The following ENPP2 variants were observed in gnomAD, a reference collection of about 807,000 sequenced individuals.
The protein encoded by ENPP2 is autotaxin.
ENPP2 carries 51 observed loss-of-function variants against 120.2 expected under a neutral mutation model. The observed-to-expected ratio is 0.42, with a 90% CI of 0.34 to 0.54. The LOEUF is 0.54. ENPP2 is among the 20% of genes least tolerant of loss of function. The pLI is 0.04. For synonymous variants in ENPP2, 365 were observed against 366.4 expected, an observed-to-expected ratio of 1.00 and a Z score of 0.04; for missense variants, 920 against 1,066.5, an observed-to-expected ratio of 0.86 and a Z score of 1.91.
intron 23 of ENPP2, among the ~76,000 whole-genome samples, 192 bp downstream of exon 23, chr8:119,564,631 T>C (rs1228211304): frequency 6.6e-6 from 1 of 151,622 alleles, no homozygotes; most frequent in Non-Finnish European, 1.5e-5. Context: ...TGAGCCGAGA[T>C]CACATCACTG....
intron 2 of ENPP2, among the ~76,000 whole-genome samples, chr8:119,636,187 T>A (rs1563761431): frequency 6.6e-6 from 1 of 152,214 alleles, no homozygotes; most frequent in Non-Finnish European, 1.5e-5. Flanking sequence ...TATTTTCTGA[T>A]GGGAAGGCTT....
upstream of ENPP2, among the ~76,000 whole-genome samples, chr8:119,642,052 T>C (rs1209351141): frequency 6.6e-6 from 1 of 152,228 alleles, no homozygotes; most frequent in Non-Finnish European, 1.5e-5. Flanking sequence ...AGAGCTTTAA[T>C]TTTAGGCCAT....
At chr8:119,590,971 T>C (rs1813458145) in intron 12 of ENPP2, among the ~76,000 whole-genome samples, 1 of 141,450 alleles carries the variant, frequency 7.1e-6, no homozygotes, top group Non-Finnish European at 1.5e-5. Flanking sequence ...ATTGACAGAG[T>C]CTTTATGAAA....
At chr8:119,569,682 C>G (rs1814791135) in intron 20 of ENPP2, among the ~76,000 whole-genome samples, 2 of 150,790 alleles carry the variant, frequency 1.3e-5, no homozygotes, top group Admixed American at 6.6e-5. Context: ...TTGAAGATAA[C>G]TTATAAAATA....
At chr8:119,657,565 T>C (rs1817802831) in intron 1 of ENPP2, among the ~76,000 whole-genome samples, 1 of 152,072 alleles carries the variant, frequency 6.6e-6, no homozygotes, top group African/African-American at 2.4e-5. Context: ...CAGCATGTAA[T>C]TAGCGATGCG....
chr8:119,672,494 C>G (rs1049733598), intron 1 of ENPP2, among the ~76,000 whole-genome samples: 3 of 152,142 alleles, frequency 2.0e-5, no homozygotes, highest in Non-Finnish European at 2.9e-5. Flanking sequence ...ACCTGAAGAC[C>G]GGCTGTGCCC....
chr8:119,644,625 T>TATACAC (rs1327738777), intron 1 of ENPP2, among the ~76,000 whole-genome samples: 239 of 74,262 alleles, frequency 3.2e-3, no homozygotes, highest in Non-Finnish European at 4.4e-3. Context: ...TATATATATA[T>TATACAC]ACACACACAC....
intron 24 of ENPP2, among the ~76,000 whole-genome samples, chr8:119,560,159 A>T (rs1389495821): frequency 6.6e-6 from 1 of 152,218 alleles, no homozygotes; most frequent in African/African-American, 2.4e-5. Flanking sequence ...GTACACCTTA[A>T]ATGGCCTACT....
intron 1 of ENPP2, among the ~76,000 whole-genome samples, chr8:119,671,369 G>A (rs188137122): frequency 1.4e-3 from 215 of 152,278 alleles, no homozygotes; most frequent in African/African-American, 5.1e-3. Flanking sequence ...GGGCAGGACT[G>A]GCCCCAGATG....
intron 1 of ENPP2, among the ~76,000 whole-genome samples, chr8:119,660,413 G>A (rs927727337): frequency 3.9e-5 from 6 of 152,198 alleles, no homozygotes; most frequent in African/African-American, 1.4e-4. Context: ...GATGTAAGCA[G>A]TGTGGCCCCA....
rs1047122201 is a variant in ENPP2, at chr8:119,597,261, G to GA, written c.973-3402dup. ...ATCTCCATAAGAAAAGCAGCAAAAG[G>GA]AAAAGAGGATTTTCCGTTTCATGGT... On this transcript the variant is annotated intron_variant, in intron 11 of 24. Coordinates refer to ENST00000075322, the MANE Select transcript of ENPP2 (RefSeq NM_001040092.3). Among the ~76,000 whole-genome samples, 28 of 152,252 alleles carry GA rather than the reference G, an allele frequency of 1.8e-4. No individual in the cohort carries two copies. The East Asian group carries it at 5.0e-3, about 27-fold the overall frequency.
upstream of ENPP2, chr8:119,638,935 A>C (rs1233095493): frequency 2.3e-6 from 2 of 873,492 alleles, no homozygotes; most frequent in African/African-American, 3.3e-5. Flanking sequence ...ATTACATCAC[A>C]GGGTGTTCAC....
chr8:119,587,388 A>T (rs1209958856), intron 13 of ENPP2, among the ~76,000 whole-genome samples: 1 of 152,172 alleles, frequency 6.6e-6, no homozygotes, highest in Admixed American at 6.5e-5. Context: ...AGTTCCCCCT[A>T]ATGGTTCCCC....
intron 2 of ENPP2, among the ~76,000 whole-genome samples, chr8:119,632,054 A>C (rs1816718421): frequency 6.6e-6 from 1 of 152,192 alleles, no homozygotes; most frequent in Non-Finnish European, 1.5e-5. Flanking sequence ...TGAAGTTTTT[A>C]GGACTTCTCT....
chr8:119,666,572 G>A (rs1319957509), intron 1 of ENPP2, among the ~76,000 whole-genome samples: 1 of 152,142 alleles, frequency 6.6e-6, no homozygotes, highest in African/African-American at 2.4e-5. Context: ...CCCAAGGTCA[G>A]GAGTTCGAGA....
At chr8:119,608,049 A>G (rs1421610597) in intron 8 of ENPP2, 72 bp from the exon 9 acceptor site, 2 of 985,184 alleles carry the variant, frequency 2.0e-6, no homozygotes, top group Non-Finnish European at 3.1e-6. Flanking sequence ...TTTTTAAAAT[A>G]CATTAGATCA....
intron 1 of ENPP2, among the ~76,000 whole-genome samples, chr8:119,660,273 T>A (rs1193312324): frequency 1.3e-5 from 2 of 152,234 alleles, no homozygotes; most frequent in Non-Finnish European, 2.9e-5. Flanking sequence ...ACATGTCAAG[T>A]GCTCTTGTAA....
chr8:119,649,989 T>C (rs779823305), intron 1 of ENPP2, among the ~76,000 whole-genome samples: 27 of 152,208 alleles, frequency 1.8e-4, no homozygotes, highest in Non-Finnish European at 3.5e-4. Flanking sequence ...ATGTTAAATA[T>C]AGAGTTACAC....
chr8:119,566,979 C>G (rs918470697), intron 22 of ENPP2, among the ~76,000 whole-genome samples: 1 of 152,098 alleles, frequency 6.6e-6, no homozygotes, highest in Admixed American at 6.5e-5. Context: ...ATTTTTTTCT[C>G]TAAACCGTGT....
Sources: allele counts gnomAD v4.1 joint callset (sites outside exome capture counted in the v4.1 genomes callset), GRCh38; gene constraint gnomAD v4.1.1; transcripts MANE v1.5; gene names NCBI Gene and HGNC (gene_info 2026-07-23, HGNC 2026-07-21).